The following MSH4 variants were observed in gnomAD, a reference collection of about 807,000 sequenced individuals.
The protein encoded by MSH4 is mutS protein homolog 4.
MSH4 carries 106 observed loss-of-function variants against 113.7 expected under a neutral mutation model. The ratio of observed to expected loss-of-function variants is 0.93; its 90% CI spans 0.80 to 1.10. The LOEUF is 1.10. Ranked by LOEUF, MSH4 falls within the 50% of genes least tolerant of loss-of-function variation. MSH4 has a pLI of 0.00. For synonymous variants in MSH4, 368 were observed against 380.2 expected (o/e 0.97, Z 0.37); for missense variants, 1,061 against 1,093.7 (o/e 0.97, Z 0.42).
intron 9 of MSH4, among the ~76,000 whole-genome samples, chr1:75,874,279 T>G (rs1018301467): frequency 6.6e-6 from 1 of 152,212 alleles, no homozygotes; most frequent in African/African-American, 2.4e-5. Context: ...CTTGTAAATT[T>G]AAAAACACTT....
chr1:75,890,720 A>C lies in MSH4; in HGVS notation c.2251A>C (p.Asn751His). ...KEIAYILHNA[N>H]DKSLILIDEL... ...GATAGCATATATTCTACATAATGCT[A>C]ATGACAAATCGCTCATATTAATTGA... The change falls in exon 17 of 20, where the codon AAT (asparagine) becomes CAT (histidine). Residue 751 changes from asparagine to histidine, a missense_variant. Physicochemically the swap from Asn to His is moderately conservative, Grantham distance 68. Transcript: ENST00000263187. The C allele has an allele frequency of 6.3e-7, 1 of 1,595,098 alleles. No individual in the cohort carries two copies. The highest frequency in any genetic ancestry group is 8.6e-7 in the Non-Finnish European group (1 of 1,167,214).
Position 75,889,361 on chromosome 1 carries a change from A to G in MSH4, c.2218A>G (p.Met740Val). The G allele has an allele frequency of 1.4e-6, 2 of 1,422,504 alleles. No homozygotes were observed. The highest frequency in any genetic ancestry group is 1.8e-4 in the Middle Eastern group (1 of 5,612). 88.1% of individuals were successfully genotyped at this position (1,422,504 alleles called of 1,614,324 possible). ...AAATTCATCAACATTTATGAAAGAA[A>G]TGAAAGAGGTACCCAAACAAAACTT... ...ETNSSTFMKEMKEIAYILHNA... is the reference protein window; with the variant it reads ...ETNSSTFMKEVKEIAYILHNA... The change falls in exon 16 of 20, where the codon ATG becomes GTG. Residue 740 changes from methionine to valine, a missense_variant. By Grantham distance (21) the Met-to-Val change is conservative. Transcript: ENST00000263187.
chr1:75,877,196 T>C lies in MSH4; in HGVS notation c.1370+196T>C, dbSNP rs183479214. On this transcript the variant is annotated intron_variant, in intron 10 of 19. Coordinates refer to ENST00000263187, the MANE Select transcript of MSH4 (RefSeq NM_002440.4). ...AATAAATAGGGTAACAACACATTGA[T>C]TATTTGTGTTAAAGGACAATTAGAA... 4.6e-5 allele frequency among the ~76,000 whole-genome samples: 7 copies of C among 152,222 alleles called. No individual in the cohort carries two copies. The East Asian group carries it at 7.7e-4, about 17-fold the overall frequency.
intron 8 of MSH4, among the ~76,000 whole-genome samples, chr1:75,861,735 TGAG>T (rs1438872527): frequency 6.6e-6 from 1 of 152,200 alleles, no homozygotes; most frequent in Non-Finnish European, 1.5e-5. Flanking sequence ...GGGACCCACT[TGAG>T]GAGGCAGTCT....
intron 19 of MSH4, among the ~76,000 whole-genome samples, chr1:75,907,684 C>CATATATA (rs1652690842): frequency 6.4e-5 from 3 of 46,574 alleles, no homozygotes; most frequent in Admixed American, 3.4e-4. Flanking sequence ...CTCTCTCTCT[C>CATATATA]TATACATATA....
At chr1:75,818,339 G>T (rs1650334008) in intron 6 of MSH4, among the ~76,000 whole-genome samples, 1 of 152,080 alleles carries the variant, frequency 6.6e-6, no homozygotes, top group Non-Finnish European at 1.5e-5. Context: ...CACTTGCAAA[G>T]CTCCACTAAC....
intron 8 of MSH4, among the ~76,000 whole-genome samples, chr1:75,862,331 C>G (rs901443940): frequency 1.3e-5 from 2 of 152,182 alleles, no homozygotes; most frequent in East Asian, 3.9e-4. Context: ...TCAGGTACCT[C>G]AGTTGGAAAT....
At chr1:75,835,791 GC>G (rs1650814918) in intron 7 of MSH4, among the ~76,000 whole-genome samples, 1 of 152,110 alleles carries the variant, frequency 6.6e-6, no homozygotes, top group Non-Finnish European at 1.5e-5. Flanking sequence ...AATTTCCTAT[GC>G]TCACTATCTT....
intron 19 of MSH4, among the ~76,000 whole-genome samples, chr1:75,904,163 AT>A (rs1322837524): frequency 2.0e-5 from 3 of 152,186 alleles, no homozygotes; most frequent in African/African-American, 7.2e-5. Flanking sequence ...ATGACATATC[AT>A]ATTTATTGAT....
chr1:75,897,280 G>A (rs1047047200), intron 17 of MSH4, among the ~76,000 whole-genome samples: 1 of 152,110 alleles, frequency 6.6e-6, no homozygotes, highest in Non-Finnish European at 1.5e-5. Flanking sequence ...CAGGGGATAT[G>A]TACCAAGAAT....
intron 19 of MSH4, among the ~76,000 whole-genome samples, chr1:75,906,987 C>T (rs1003659078): frequency 6.6e-6 from 1 of 151,972 alleles, no homozygotes; most frequent in Admixed American, 6.6e-5. Flanking sequence ...GCGCCCACCA[C>T]CACGCCCAGC....
intron 11 of MSH4, 75 bp from the exon 12 acceptor site, chr1:75,878,917 T>C: frequency 2.3e-6 from 3 of 1,330,484 alleles, no homozygotes; most frequent in Non-Finnish European, 3.2e-6. Context: ...TGTGACTCTT[T>C]AAAACAGAGT....
chr1:75,816,135 T>C (rs896013365), intron 5 of MSH4, among the ~76,000 whole-genome samples: 1 of 152,220 alleles, frequency 6.6e-6, no homozygotes, highest in Non-Finnish European at 1.5e-5. Context: ...TTATCGGAAT[T>C]TAAAGTCCCT....
At chr1:75,871,848 A>G (rs566835503) in intron 9 of MSH4, among the ~76,000 whole-genome samples, 1 of 152,370 alleles carries the variant, frequency 6.6e-6, no homozygotes, top group Non-Finnish European at 1.5e-5. Context: ...GAACTGCAGT[A>G]ATTACAGGAA....
intron 19 of MSH4, among the ~76,000 whole-genome samples, chr1:75,905,694 ATCT>A: frequency 2.6e-5 from 4 of 152,064 alleles, no homozygotes; most frequent in African/African-American, 9.7e-5. Context: ...TTCTCTTTAT[ATCT>A]ATGAATTTTT....
intron 2 of MSH4, among the ~76,000 whole-genome samples, chr1:75,805,461 C>T (rs1481405732): frequency 6.7e-6 from 1 of 148,968 alleles, no homozygotes; most frequent in Non-Finnish European, 1.5e-5. Context: ...CATCTCGGCT[C>T]ATTGCAACAT....
chr1:75,890,317 A>T (rs551456734), intron 16 of MSH4, among the ~76,000 whole-genome samples: 3 of 152,108 alleles, frequency 2.0e-5, no homozygotes, highest in South Asian at 4.1e-4. Context: ...AATTTGAGAG[A>T]TGGTTTTGGA....
intron 12 of MSH4, among the ~76,000 whole-genome samples, chr1:75,879,520 T>G (rs1214867770): frequency 6.6e-6 from 1 of 152,214 alleles, no homozygotes; most frequent in Non-Finnish European, 1.5e-5. Context: ...ACAGGAATAA[T>G]TTTTCCTATA....
intron 9 of MSH4, 54 bp from the exon 10 acceptor site, chr1:75,876,882 T>C (rs761445188): frequency 9.9e-7 from 1 of 1,013,630 alleles, no homozygotes; most frequent in Non-Finnish European, 1.4e-6. Flanking sequence ...AATGATATGT[T>C]TGAATGATCT....
Sources: gnomAD v4.1 joint callset for allele counts (sites outside exome capture counted in the v4.1 genomes callset) on GRCh38, gnomAD v4.1.1 for gene constraint, MANE v1.5 for transcripts, NCBI Gene and HGNC (gene_info 2026-07-23, HGNC 2026-07-21) for gene names.